Variants in NOXA1 observed in about 807,000 individuals in gnomAD.
NOXA1 encodes the protein NCF2-like protein.
In NOXA1, 56 loss-of-function variants were observed where a neutral mutation model predicts 64.8. That is an observed-to-expected ratio of 0.86 (90% CI 0.70 to 1.08). The LOEUF (loss-of-function observed/expected upper bound fraction) is 1.08, where lower values mean the gene tolerates loss of function less well. Ranked by LOEUF, NOXA1 falls within the 50% of genes least tolerant of loss-of-function variation. The pLI, the probability that NOXA1 is intolerant of heterozygous loss-of-function variation, is 0.00. For synonymous variants in NOXA1, 295 were observed against 294.8 expected, an observed-to-expected ratio of 1.00 and a Z score of -0.01; for missense variants, 668 against 658.5, an observed-to-expected ratio of 1.01 and a Z score of -0.16.
Position 137,433,013 on chromosome 9 carries a change from T to C in NOXA1, c.805-16T>C. ...CCTGACCGCCCCAGCCCACCCAGCC[T>C]GTGCTTCTCTTGCAGAGGCCCCAGG... is the stretch of plus-strand genomic sequence containing the variant. On this transcript the variant is annotated splice_polypyrimidine_tract_variant and intron_variant, in intron 8 of 13. Coordinates refer to ENST00000683555, the MANE Select transcript of NOXA1 (RefSeq NM_001256067.2). 3 of 1,612,344 alleles carry C rather than the reference T, an allele frequency of 1.9e-6. No homozygotes were observed. The highest frequency in any genetic ancestry group is 1.7e-5 in the Admixed American group (1 of 60,020).
At position 137,425,020 on chromosome 9, in the gene NOXA1, G is replaced by C. The variant is rs117414495; in HGVS notation, c.178-1228G>C. Among the ~76,000 whole-genome samples the C allele has an allele frequency of 5.9e-5, 9 of 152,294 alleles. No homozygotes were observed. The East Asian group carries it at 1.7e-3, about 29-fold the overall frequency. ...TGCAGAGGGTGTCGCTGGAACTGCTGTCTCTTGTTAGGAGCCTTGCGTGAC... is the reference window on the plus strand; with the variant it reads ...TGCAGAGGGTGTCGCTGGAACTGCTCTCTCTTGTTAGGAGCCTTGCGTGAC... On this transcript the variant is annotated intron_variant, in intron 1 of 13. Transcript: ENST00000683555.
intron 8 of NOXA1, among the ~76,000 whole-genome samples, chr9:137,432,686 C>T (rs1240219734): frequency 1.3e-5 from 2 of 152,240 alleles, no homozygotes; most frequent in Non-Finnish European, 2.9e-5. Context: ...CAACTCAGGG[C>T]ACACGGTTAA....
At chr9:137,429,537 AG>A (rs1349124859) in intron 5 of NOXA1, among the ~76,000 whole-genome samples, 154 bp downstream of exon 5, 1 of 152,134 alleles carries the variant, frequency 6.6e-6, no homozygotes, top group Non-Finnish European at 1.5e-5. Context: ...CGCCCACGGT[AG>A]GGGGGCGGTG....
Position 137,426,877 on chromosome 9 carries a change from A to G in NOXA1, c.260+547A>G, listed in dbSNP as rs375749464. Among the ~76,000 whole-genome samples, 26 of 152,216 alleles carry G rather than the reference A, an allele frequency of 1.7e-4. No individual in the cohort carries two copies. In the East Asian group the frequency reaches 4.3e-3, roughly 25 times the overall value. ...AATTGTGCGATCTCGGCTCACTGCAACCTCCGCCTCCTGGGTTCAAGCGAT... is the reference window on the plus strand; with the variant it reads ...AATTGTGCGATCTCGGCTCACTGCAGCCTCCGCCTCCTGGGTTCAAGCGAT... On this transcript the variant is annotated intron_variant, in intron 2 of 13. Coordinates refer to ENST00000683555, the MANE Select transcript of NOXA1 (RefSeq NM_001256067.2).
chr9:137,425,857 G>A (rs1184103985), intron 1 of NOXA1, among the ~76,000 whole-genome samples: 1 of 150,688 alleles, frequency 6.6e-6, no homozygotes, highest in Non-Finnish European at 1.5e-5. Context: ...GGGTGACAGA[G>A]CGAGACCCCG....
In NOXA1 at chr9:137,433,515, G is replaced by C. The variant is rs1183631106; in HGVS notation, c.972G>C (p.Val324=). The change falls in exon 11 of 14, where the codon GTG becomes GTC. Residue 324 remains valine (V), a synonymous_variant. Coordinates refer to ENST00000683555, the MANE Select transcript of NOXA1 (RefSeq NM_001256067.2). ...TCACCGTGCAGTGCGCCTTCACAGT[G>C]GCCCTGAGGGCACGAAGAGGAGCCG... The part of the protein sequence containing the change: ...VTVTVQCAFT[V]ALRARRGADL... 1 of 1,600,214 alleles carries C rather than the reference G, an allele frequency of 6.2e-7. No individual in the cohort carries two copies.
chr9:137,428,685 A>C (rs1588464068), intron 3 of NOXA1, among the ~76,000 whole-genome samples, 197 bp from the exon 4 acceptor site: 1 of 103,618 alleles, frequency 9.7e-6, no homozygotes, highest in East Asian at 3.4e-4. Context: ...TTGGGAGAGG[A>C]GCTGGGTGGG....
rs1473314568 is a variant in NOXA1 at position 137,427,570 on chromosome 9, TGGGG to T, written c.261-462_261-459del. Among the ~76,000 whole-genome samples the T allele has an allele frequency of 6.6e-5, 10 of 152,236 alleles. 1 individual carries two copies. In the East Asian group the frequency reaches 1.2e-3, roughly 18 times the overall value. ...TTCTGGATTACGATCCAGACCCCTC[TGGGG>T]CAGCCTCTCCTTCACATCGGCGCGG... On this transcript the variant is annotated intron_variant, in intron 2 of 13. Transcript: ENST00000683555.
intron 1 of NOXA1, among the ~76,000 whole-genome samples, chr9:137,424,678 T>A (rs1045492987): frequency 6.6e-6 from 1 of 152,158 alleles, no homozygotes; most frequent in African/African-American, 2.4e-5. Context: ...CCTCAGGTGA[T>A]CCACCCTCCT....
chr9:137,431,438 AG>A lies in NOXA1; in HGVS notation c.804+98del. The A allele has an allele frequency of 1.9e-6, 2 of 1,031,356 alleles. No homozygotes were observed. Among genetic ancestry groups the A allele is most frequent in the Middle Eastern group, 2.4e-4 (1 of 4,160 alleles). The allele number at this position is 1,031,356 out of a possible 1,614,324, so 63.9% of individuals were successfully genotyped here. On this transcript the variant is annotated intron_variant, in intron 8 of 13. Coordinates refer to ENST00000683555, the MANE Select transcript of NOXA1 (RefSeq NM_001256067.2). The surrounding 1 kb of genome is among the most constrained non-coding windows in gnomAD (Gnocchi z 5.6). ...ATGGGACCAACATGAGGGTGGAGGGAGCAGCTCGCTGGGGGGTAGACGGGGC... is the reference window on the plus strand; with the variant it reads ...ATGGGACCAACATGAGGGTGGAGGGACAGCTCGCTGGGGGGTAGACGGGGC...
At chr9:137,432,964 C>A in intron 8 of NOXA1, 65 bp from the exon 9 acceptor site, 1 of 1,565,114 alleles carries the variant, frequency 6.4e-7, no homozygotes, top group Non-Finnish European at 8.8e-7. Context: ...GTGGGCTCTG[C>A]GAGGACAGTA....
At chr9:137,427,518 C>T (rs998333757) in intron 2 of NOXA1, among the ~76,000 whole-genome samples, 6 of 152,246 alleles carry the variant, frequency 3.9e-5, no homozygotes, top group African/African-American at 1.4e-4. Context: ...TCCCAGCATT[C>T]GGGATTATGG....
chr9:137,431,437 G>C lies in NOXA1; in HGVS notation c.804+96G>C. Reference sequence around the variant, plus strand: ...AATGGGACCAACATGAGGGTGGAGGGAGCAGCTCGCTGGGGGGTAGACGGG... The same window carrying C: ...AATGGGACCAACATGAGGGTGGAGGCAGCAGCTCGCTGGGGGGTAGACGGG... On this transcript the variant is annotated intron_variant, in intron 8 of 13. Coordinates refer to ENST00000683555, the MANE Select transcript of NOXA1 (RefSeq NM_001256067.2). The surrounding 1 kb of genome is among the most constrained non-coding windows in gnomAD (Gnocchi z 5.6). The C allele has an allele frequency of 1.9e-6, 2 of 1,046,684 alleles. No individual in the cohort carries two copies. Among genetic ancestry groups the C allele is most frequent in the East Asian group, 5.1e-5 (2 of 39,498 alleles). The allele number at this position is 1,046,684 out of a possible 1,614,324, so 64.8% of individuals were successfully genotyped here.
chr9:137,434,353 A>G lies in NOXA1; in HGVS notation c.1424A>G (p.Gln475Arg), dbSNP rs978781668. The G allele has an allele frequency of 6.3e-7, 1 of 1,589,668 alleles. No individual in the cohort carries two copies. The highest frequency in any genetic ancestry group is 8.6e-7 in the Non-Finnish European group (1 of 1,167,920). The change falls in exon 14 of 14, where the codon CAG becomes CGG. Residue 475 changes from glutamine (Q) to arginine (R), a missense_variant. Physicochemically the swap from Gln to Arg is conservative, Grantham distance 43 (BLOSUM62 1). Transcript: ENST00000683555. ...CTGCCCCGATCCCAGCAGGGAGATC[A>G]GCCCTAATGATGCTGTGTCCATGAT... is the stretch of plus-strand genomic sequence containing the variant. ...GRLPRSQQGD[Q>R]P
chr9:137,425,698 C>T (rs1400542027), intron 1 of NOXA1, among the ~76,000 whole-genome samples: 1 of 152,080 alleles, frequency 6.6e-6, no homozygotes, highest in Non-Finnish European at 1.5e-5. Context: ...TAATGCAGTT[C>T]TTTAGCTGCT....
intron 1 of NOXA1, among the ~76,000 whole-genome samples, chr9:137,425,370 T>C (rs1838810559): frequency 6.6e-6 from 1 of 152,130 alleles, no homozygotes; most frequent in African/African-American, 2.4e-5. Flanking sequence ...TTGCATGAAC[T>C]ATCAAAAAAG....
At chr9:137,433,393 A>G (rs1197270239) in intron 10 of NOXA1, 60 bp from the exon 11 acceptor site, 30 of 1,536,158 alleles carry the variant, frequency 2.0e-5, no homozygotes, top group Non-Finnish European at 2.5e-5. Context: ...CGGGCTGAAG[A>G]CGGCCCTGAC....
chr9:137,430,105 G>A (rs1362722218), intron 5 of NOXA1, among the ~76,000 whole-genome samples: 3 of 148,658 alleles, frequency 2.0e-5, no homozygotes, highest in Non-Finnish European at 4.5e-5. Flanking sequence ...AGGTCCCGGG[G>A]GGTCTCCCTG....
At position 137,433,194 on chromosome 9, in the gene NOXA1, C is replaced by T. The variant is rs370097103; in HGVS notation, c.851-11C>T. 1.2e-6 allele frequency: 2 copies of T among 1,609,426 alleles called. No individual in the cohort carries two copies. Among genetic ancestry groups the T allele is most frequent in the Non-Finnish European group, 1.7e-6 (2 of 1,178,534 alleles). ...TGGTAGTGGCTGTGTCAGTCTTGCT[C>T]TGTCCTACAGGGCTGCCGGCAATGG... On this transcript the variant is annotated splice_polypyrimidine_tract_variant and intron_variant, in intron 9 of 13. Transcript: ENST00000683555.
Sources: allele counts gnomAD v4.1 joint callset (sites outside exome capture counted in the v4.1 genomes callset), GRCh38; gene constraint gnomAD v4.1.1; non-coding constraint Gnocchi (gnomAD v3.1); transcripts MANE v1.5; gene names NCBI Gene and HGNC (gene_info 2026-07-23, HGNC 2026-07-21).